The following FAM135B variants were observed in gnomAD, a reference collection of about 807,000 sequenced individuals.
The protein encoded by FAM135B is protein FAM135B.
Under a neutral mutation model 127.7 loss-of-function variants are expected in FAM135B, and 43 were observed. That is an observed-to-expected ratio of 0.34 (90% confidence interval 0.26 to 0.43). The LOEUF is 0.43. FAM135B is among the 20% of genes least tolerant of loss of function. FAM135B has a pLI of 1.00. For missense variants in FAM135B, 1,558 were observed against 1,725.6 expected, an observed-to-expected ratio of 0.90 and a Z score of 1.72; for synonymous variants, 670 against 665.1, an observed-to-expected ratio of 1.01 and a Z score of -0.11.
At chr8:138,328,499 G>A (rs530955341) in intron 2 of FAM135B, among the ~76,000 whole-genome samples, 9 of 152,154 alleles carry the variant, frequency 5.9e-5, no homozygotes, top group Non-Finnish European at 1.2e-4. Context: ...GAACAGCTTG[G>A]GGAAATGCGG....
chr8:138,385,954 C>T (rs960112594), intron 1 of FAM135B, among the ~76,000 whole-genome samples: 1 of 152,182 alleles, frequency 6.6e-6, no homozygotes, highest in Admixed American at 6.5e-5. Flanking sequence ...AGGCACGTGG[C>T]TCATGCCTGT....
intron 19 of FAM135B, among the ~76,000 whole-genome samples, chr8:138,135,489 G>A (rs1025971358): frequency 2.0e-5 from 3 of 152,124 alleles, no homozygotes; most frequent in East Asian, 3.8e-4. Flanking sequence ...AATTCAGGCT[G>A]AAAAATTATA....
chr8:138,359,226 A>C (rs1830265353), intron 2 of FAM135B, among the ~76,000 whole-genome samples: 1 of 152,180 alleles, frequency 6.6e-6, no homozygotes, highest in African/African-American at 2.4e-5. Context: ...ATTTTAGAGA[A>C]AAAAAGACTC....
At chr8:138,335,233 G>A (rs915841936) in intron 2 of FAM135B, among the ~76,000 whole-genome samples, 5 of 152,222 alleles carry the variant, frequency 3.3e-5, no homozygotes, top group Admixed American at 6.5e-5. Context: ...CGGAGAACTC[G>A]AGGGATTTTC....
intron 1 of FAM135B, chr8:138,441,606 A>G (rs935191376): frequency 2.0e-5 from 3 of 152,184 alleles, no homozygotes; most frequent in African/African-American, 7.2e-5. Flanking sequence ...TCCACGAGAG[A>G]AAGAATTTCT....
chr8:138,362,774 AAC>A (rs1433386483), intron 2 of FAM135B, among the ~76,000 whole-genome samples: 2 of 152,210 alleles, frequency 1.3e-5, no homozygotes, highest in African/African-American at 4.8e-5. Flanking sequence ...GAAATATTTG[AAC>A]TGATGGTCAT....
chr8:138,319,267 C>T (rs546031549), intron 2 of FAM135B, among the ~76,000 whole-genome samples: 3 of 152,090 alleles, frequency 2.0e-5, no homozygotes, highest in African/African-American at 7.2e-5. Context: ...CTACCACACT[C>T]AGCTAATTTT....
At chr8:138,262,640 C>G (rs939015884) in intron 4 of FAM135B, among the ~76,000 whole-genome samples, 1 of 152,064 alleles carries the variant, frequency 6.6e-6, no homozygotes, top group Non-Finnish European at 1.5e-5. Flanking sequence ...GTGGCTCACA[C>G]CTGTAATCCC....
intron 1 of FAM135B, among the ~76,000 whole-genome samples, chr8:138,418,276 A>G (rs1172644819): frequency 6.6e-6 from 1 of 152,126 alleles, no homozygotes; most frequent in Admixed American, 6.5e-5. Context: ...AGTGAATGAA[A>G]CCTTGGGAAA....
At chr8:138,305,211 A>C (rs1292123020) in intron 3 of FAM135B, among the ~76,000 whole-genome samples, 1 of 152,228 alleles carries the variant, frequency 6.6e-6, no homozygotes, top group Non-Finnish European at 1.5e-5. Context: ...AACATTACAA[A>C]AACTAATGAT....
rs1189398052 is a variant in FAM135B at position 138,299,123 on chromosome 8, AAAT to A, written c.157+11715_157+11717del. Among the ~76,000 whole-genome samples the A allele has an allele frequency of 1.4e-3, 208 of 149,520 alleles. 2 individuals carry two copies. The highest frequency in any genetic ancestry group is 5.0e-3 in the African/African-American group (201 of 40,150). ...AATAAATAAATAAAATAAAAATAAA[AAAT>A]AAAAAAACACTCTAACTTTTGGTGA... On this transcript the variant is annotated intron_variant, in intron 3 of 19. Coordinates refer to ENST00000395297, the MANE Select transcript of FAM135B (RefSeq NM_015912.4).
chr8:138,343,285 A>G (rs1264836477), intron 2 of FAM135B, among the ~76,000 whole-genome samples: 1 of 152,188 alleles, frequency 6.6e-6, no homozygotes, highest in Admixed American at 6.5e-5. Context: ...AGCTCTAGAG[A>G]CGTGCAGGCA....
intron 7 of FAM135B, among the ~76,000 whole-genome samples, chr8:138,206,341 C>CCATGGCTCTATCATCCCCTCCACCTACA (rs1817588209): frequency 6.1e-4 from 8 of 13,222 alleles, no homozygotes; most frequent in East Asian, 1.7e-3. Flanking sequence ...CTCCACCTAC[C>CCATGGCTCTATCATCCCCTCCACCTACA]CACAACTCCA....
chr8:138,310,967 C>T (rs140707876), intron 2 of FAM135B, 47 bp from the exon 3 acceptor site: 11 of 1,478,996 alleles, frequency 7.4e-6, no homozygotes, highest in East Asian at 4.6e-5. Flanking sequence ...GCCTTCTTAA[C>T]GTTGACTTCT....
intron 3 of FAM135B, among the ~76,000 whole-genome samples, chr8:138,300,715 A>G (rs1422770873): frequency 6.7e-6 from 1 of 149,172 alleles, no homozygotes; most frequent in African/African-American, 2.5e-5. Flanking sequence ...TTTCCTCTTC[A>G]ATATTTTCTT....
intron 1 of FAM135B, among the ~76,000 whole-genome samples, chr8:138,370,618 T>C (rs1831053032): frequency 1.3e-5 from 2 of 151,972 alleles, no homozygotes; most frequent in Admixed American, 6.6e-5. Flanking sequence ...GCCTGGCTAA[T>C]TTTTCGTATT....
intron 1 of FAM135B, among the ~76,000 whole-genome samples, chr8:138,491,333 T>C (rs972008848): frequency 6.6e-6 from 1 of 152,120 alleles, no homozygotes; most frequent in Non-Finnish European, 1.5e-5. Flanking sequence ...GCCCACACCC[T>C]CCAGTGTCTA....
chr8:138,408,373 G>A (rs1589223), intron 1 of FAM135B, among the ~76,000 whole-genome samples: 61,353 of 151,914 alleles, frequency 0.4, 13,339 homozygotes, highest in African/African-American at 0.58. Flanking sequence ...TCACCTTGCA[G>A]TTTAATGTTA....
At chr8:138,375,452 A>T (rs1486536313) in intron 1 of FAM135B, among the ~76,000 whole-genome samples, 1 of 152,050 alleles carries the variant, frequency 6.6e-6, no homozygotes, top group Non-Finnish European at 1.5e-5. Flanking sequence ...GGATCCAGAT[A>T]TCAATGTTAC....
Sources: gnomAD v4.1 joint callset for allele counts (sites outside exome capture counted in the v4.1 genomes callset) on GRCh38, gnomAD v4.1.1 for gene constraint, MANE v1.5 for transcripts, NCBI Gene and HGNC (gene_info 2026-07-23, HGNC 2026-07-21) for gene names.